Variants in TBC1D5 observed in about 807,000 individuals in gnomAD.
TBC1D5 encodes TBC1 domain family, member 5.
In TBC1D5, 75 loss-of-function variants were observed where a neutral mutation model predicts 100.3. The ratio of observed to expected loss-of-function variants is 0.75; its 90% confidence interval spans 0.62 to 0.91. TBC1D5 has a LOEUF of 0.91. Ranked by LOEUF, TBC1D5 falls within the 40% of genes least tolerant of loss-of-function variation. TBC1D5 has a pLI of 0.00. For missense variants in TBC1D5, 910 were observed against 942.4 expected (o/e 0.97, Z 0.45); for synonymous variants, 323 against 325.6 (o/e 0.99, Z 0.09).
At chr3:17,663,122 A>G (rs903385499) in intron 1 of TBC1D5, 1 of 152,224 alleles carries the variant, frequency 6.6e-6, no homozygotes, top group African/African-American at 2.4e-5. Flanking sequence ...TGCAAAGCCA[A>G]TACATAGAAA....
intron 2 of TBC1D5, among the ~76,000 whole-genome samples, chr3:17,619,673 C>T (rs1260035114): frequency 1.3e-5 from 2 of 152,090 alleles, no homozygotes; most frequent in Non-Finnish European, 2.9e-5. Context: ...AGGGATTCTT[C>T]CTATAAACTA....
In TBC1D5 at chr3:17,406,475, C is replaced by T. The variant is rs750700028; in HGVS notation, c.219G>A (p.Arg73=). 1.9e-6 allele frequency: 3 copies of T among 1,611,918 alleles called. No individual in the cohort carries two copies. The African/African-American group carries it at 4.0e-5, about 22-fold the overall frequency. Reference sequence around the variant, plus strand: ...TCAGCTGCCCATTAATCCCCTTCTGCCTTATTGTTGCCAAGTAATTGTTGT... The same window carrying T: ...TCAGCTGCCCATTAATCCCCTTCTGTCTTATTGTTGCCAAGTAATTGTTGT... Residue 73 remains arginine, a synonymous_variant, in exon 5 of 22, where the codon AGG becomes AGA. Coordinates refer to ENST00000253692, the Ensembl canonical transcript of TBC1D5.
At chr3:17,472,255 C>T (rs1439913800) in intron 3 of TBC1D5, among the ~76,000 whole-genome samples, 1 of 151,776 alleles carries the variant, frequency 6.6e-6, no homozygotes, top group Non-Finnish European at 1.5e-5. Flanking sequence ...TCTCCTGCCT[C>T]AGCCTCCCGA....
chr3:17,344,796 G>A (rs1362173040), intron 13 of TBC1D5, among the ~76,000 whole-genome samples: 2 of 152,138 alleles, frequency 1.3e-5, no homozygotes, highest in Non-Finnish European at 2.9e-5. Context: ...TGACAAACCT[G>A]AGAAAAACAA....
At chr3:17,290,904 G>A (rs2150137577) in intron 15 of TBC1D5, among the ~76,000 whole-genome samples, 1 of 152,320 alleles carries the variant, frequency 6.6e-6, no homozygotes, top group African/African-American at 2.4e-5. Context: ...GCATAAGGAA[G>A]TGAATTCTTT....
At chr3:17,674,365 AAT>A (rs1452335397) in intron 1 of TBC1D5, among the ~76,000 whole-genome samples, 1 of 152,236 alleles carries the variant, frequency 6.6e-6, no homozygotes, top group Non-Finnish European at 1.5e-5. Context: ...CCATGAAGAA[AAT>A]ATGAGAGATA....
In TBC1D5 at chr3:17,678,714, C is replaced by T. The variant is rs149716786; in HGVS notation, c.-100-54801G>A. On this transcript the variant is annotated intron_variant, in intron 1 of 21. Transcript: ENST00000253692. The stretch of plus-strand genomic sequence containing the variant: ...AGGAAAAGAAAATAATTCAAGATAA[C>T]ATCCCAAACTGAAAGACATTTGCTC... Among the ~76,000 whole-genome samples the T allele has an allele frequency of 8.7e-4, 115 of 132,248 alleles. 4 individuals carry two copies. The highest frequency in any genetic ancestry group is 3.4e-3 in the African/African-American group (111 of 32,650). 86.8% of individuals were successfully genotyped at this position (132,248 alleles called of 152,430 possible).
intron 2 of TBC1D5, among the ~76,000 whole-genome samples, chr3:17,509,069 G>T (rs761979743): frequency 2.6e-5 from 4 of 151,576 alleles, no homozygotes; most frequent in African/African-American, 4.9e-5. Context: ...TTTATTCTGG[G>T]CATTTAAAAT....
intron 1 of TBC1D5, among the ~76,000 whole-genome samples, chr3:17,728,456 G>A (rs551426892): frequency 1.3e-5 from 2 of 152,214 alleles, no homozygotes; most frequent in African/African-American, 4.8e-5. Context: ...AGAGAATAAT[G>A]AGGGAAGTCT....
chr3:17,540,815 G>A (rs1002612116), intron 2 of TBC1D5, among the ~76,000 whole-genome samples: 2 of 145,472 alleles, frequency 1.4e-5, no homozygotes, highest in African/African-American at 2.6e-5. Context: ...GCTGAGGCAG[G>A]AGAATCGCTT....
intron 8 of TBC1D5, among the ~76,000 whole-genome samples, chr3:17,398,468 GATA>G (rs1293116787): frequency 2.6e-5 from 4 of 152,038 alleles, no homozygotes; most frequent in African/African-American, 4.8e-5. Flanking sequence ...CTAGAAAGTT[GATA>G]ATATTATTTT....
At chr3:17,615,720 A>T (rs796688988) in intron 2 of TBC1D5, among the ~76,000 whole-genome samples, 24 of 152,326 alleles carry the variant, frequency 1.6e-4, no homozygotes, top group African/African-American at 5.8e-4. Context: ...TTTCTGTGGG[A>T]TCAGTGATAA....
intron 3 of TBC1D5, among the ~76,000 whole-genome samples, chr3:17,460,984 A>G (rs1198765622): frequency 6.6e-6 from 1 of 152,218 alleles, no homozygotes; most frequent in Non-Finnish European, 1.5e-5. Context: ...TCTTGGCACG[A>G]ATAATAAGAT....
chr3:17,446,593 C>T (rs2094801069), intron 3 of TBC1D5, among the ~76,000 whole-genome samples: 1 of 152,170 alleles, frequency 6.6e-6, no homozygotes, highest in Admixed American at 6.5e-5. Flanking sequence ...CTGGAGCTAC[C>T]TGAACTAGAA....
chr3:17,333,287 T>C (rs745562389), intron 13 of TBC1D5: 1 of 152,282 alleles, frequency 6.6e-6, no homozygotes, highest in African/African-American at 2.4e-5. Flanking sequence ...AAAGTTTTTA[T>C]ACATATACAG....
At chr3:17,236,806 T>G (rs1489616448) in intron 17 of TBC1D5, among the ~76,000 whole-genome samples, 2 of 152,178 alleles carry the variant, frequency 1.3e-5, no homozygotes, top group African/African-American at 2.4e-5. Context: ...AATTTGAATA[T>G]TCTCACAAAA....
chr3:17,424,811 T>C lies in TBC1D5; in HGVS notation c.167+3639A>G, dbSNP rs376836895. On this transcript the variant is annotated intron_variant, in intron 4 of 21. Coordinates refer to ENST00000253692, the Ensembl canonical transcript of TBC1D5. ...AAGAAAAAAAAAAGTCTATGAGTAT[T>C]AGGCACATAAAGCTATAGTTAGGGT... Among the ~76,000 whole-genome samples the C allele has an allele frequency of 7.2e-5, 11 of 152,286 alleles. No homozygotes were observed. In the East Asian group the frequency reaches 1.2e-3, roughly 16 times the overall value.
chr3:17,369,683 C>T (rs537529117), intron 13 of TBC1D5, among the ~76,000 whole-genome samples: 223 of 152,110 alleles, frequency 1.5e-3, no homozygotes, highest in African/African-American at 5.3e-3. Context: ...TTCTAATAGT[C>T]ATTAATAGAA....
At chr3:17,425,708 GAA>G in intron 4 of TBC1D5, among the ~76,000 whole-genome samples, 1 of 152,208 alleles carries the variant, frequency 6.6e-6, no homozygotes, top group Middle Eastern at 3.4e-3. Context: ...ACAAACAGTG[GAA>G]AGAATATACA....
Sources: gnomAD v4.1 joint callset for allele counts (sites outside exome capture counted in the v4.1 genomes callset) on GRCh38, gnomAD v4.1.1 for gene constraint, MANE v1.5 for transcripts, NCBI Gene and HGNC (gene_info 2026-07-23, HGNC 2026-07-21) for gene names.